The following DYNC1LI2 variants were observed in gnomAD, a reference collection of about 807,000 sequenced individuals.
DYNC1LI2 encodes cytoplasmic dynein 1 light intermediate chain 2.
A neutral mutation model predicts 57.8 loss-of-function variants in DYNC1LI2; 19 were observed. That is an observed-to-expected ratio of 0.33 (90% CI 0.23 to 0.48). The LOEUF is 0.48. Ranked by LOEUF, DYNC1LI2 falls within the 20% of genes least tolerant of loss-of-function variation. DYNC1LI2 has a pLI of 0.99. For synonymous variants in DYNC1LI2, 256 were observed against 233.4 expected (o/e 1.10, Z -0.88); for missense variants, 470 against 604.2 (o/e 0.78, Z 2.33).
At chr16:66,739,998 T>G (rs2017808063) in intron 4 of DYNC1LI2, among the ~76,000 whole-genome samples, 1 of 152,094 alleles carries the variant, frequency 6.6e-6, no homozygotes, top group Non-Finnish European at 1.5e-5. Context: ...TGCTGCTGCT[T>G]CTCTCTCAAC....
chr16:66,723,077 C>A lies in DYNC1LI2; in HGVS notation c.*645G>T. The A allele has an allele frequency of 3.0e-6, 1 of 338,192 alleles. No individual in the cohort carries two copies. Among genetic ancestry groups the A allele is most frequent in the Non-Finnish European group, 5.8e-6 (1 of 171,340 alleles). 20.9% of individuals were successfully genotyped at this position (338,192 alleles called of 1,614,324 possible). A position where few individuals can be genotyped will look rare whatever the true frequency, so the allele number is the denominator to read the frequency against. On this transcript the variant is annotated 3_prime_UTR_variant, in exon 13 of 13. Coordinates refer to ENST00000258198, the MANE Select transcript of DYNC1LI2 (RefSeq NM_006141.3). Reference sequence around the variant, plus strand: ...GCTCCGCCTGACTCAGGCACCCCCACAATTAGTACATCTTTCGTAAGTTAA... The same window carrying A: ...GCTCCGCCTGACTCAGGCACCCCCAAAATTAGTACATCTTTCGTAAGTTAA...
At position 66,749,281 on chromosome 16, in the gene DYNC1LI2, T is replaced by C; in HGVS notation, c.214A>G (p.Thr72Ala). The C allele has an allele frequency of 1.2e-6, 2 of 1,614,204 alleles. No homozygotes were observed. The highest frequency in any genetic ancestry group is 1.1e-5 in the South Asian group (1 of 91,090). Residue 72 changes from threonine to alanine, a missense_variant, in exon 3 of 13, where the codon ACT becomes GCT. Transcript: ENST00000258198. ...EDGSGKTTLMTKLQGAEHGKK... is the reference protein window; with the variant it reads ...EDGSGKTTLMAKLQGAEHGKK... ...CCATGCTCAGCTCCTTGTAGTTTAG[T>C]CATGAGGGTTGTTTTACCAGAACCA...
intron 3 of DYNC1LI2, among the ~76,000 whole-genome samples, chr16:66,743,234 C>T (rs2017872869): frequency 6.6e-6 from 1 of 151,386 alleles, no homozygotes; most frequent in Admixed American, 6.6e-5. Context: ...GGTGTTCACA[C>T]CTAAAAAGGT....
intron 7 of DYNC1LI2, 71 bp from the exon 8 acceptor site, chr16:66,730,294 A>G (rs1428786352): frequency 9.7e-6 from 13 of 1,339,310 alleles, no homozygotes; most frequent in Non-Finnish European, 1.3e-5. Flanking sequence ...GATCACATTC[A>G]GGACTCCTGG....
chr16:66,740,968 T>C (rs1249088316), intron 4 of DYNC1LI2, among the ~76,000 whole-genome samples: 2 of 152,210 alleles, frequency 1.3e-5, no homozygotes, highest in African/African-American at 4.8e-5. Flanking sequence ...ATAACAGCCA[T>C]CAATGACTAA....
At chr16:66,729,381 G>A (rs756880028) in intron 8 of DYNC1LI2, among the ~76,000 whole-genome samples, 3 of 152,048 alleles carry the variant, frequency 2.0e-5, no homozygotes, top group Non-Finnish European at 4.4e-5. Context: ...CAGAGGCAAC[G>A]GCAGCACTGG....
chr16:66,727,850 C>A, intron 10 of DYNC1LI2, 45 bp from the exon 11 acceptor site: 1 of 1,492,210 alleles, frequency 6.7e-7, no homozygotes, highest in Admixed American at 1.9e-5. Flanking sequence ...ATAACAATAA[C>A]AAAAAATACA....
chr16:66,724,109 C>G (rs1338884763), intron 12 of DYNC1LI2, among the ~76,000 whole-genome samples: 1 of 152,058 alleles, frequency 6.6e-6, no homozygotes, highest in African/African-American at 2.4e-5. Context: ...TTCTGAAAAC[C>G]CTCTCACCAC....
At chr16:66,734,333 T>A in intron 5 of DYNC1LI2, 22 bp from the exon 6 acceptor site, 2 of 1,612,240 alleles carry the variant, frequency 1.2e-6, no homozygotes, top group African/African-American at 2.7e-5. Context: ...ACAGACAGAG[T>A]CACCTTTTTG....
chr16:66,743,238 A>C (rs2017873044), intron 3 of DYNC1LI2, among the ~76,000 whole-genome samples: 1 of 152,076 alleles, frequency 6.6e-6, no homozygotes, highest in Non-Finnish European at 1.5e-5. Context: ...TTCACACCTA[A>C]AAAGGTTTCC....
In DYNC1LI2 at chr16:66,738,872, CAA is replaced by C. The variant is rs935685813; in HGVS notation, c.530-2630_530-2629del. 2.3e-5 allele frequency: 3 copies of C among 127,742 alleles called. No homozygotes were observed. In the East Asian group the frequency reaches 7.2e-4, roughly 31 times the overall value. 7.9% of individuals were successfully genotyped at this position (127,742 alleles called of 1,614,324 possible). A position where few individuals can be genotyped will look rare whatever the true frequency, so the allele number is the denominator to read the frequency against. ...GCTGGGTGACAGTGAGACTCTGTTT[CAA>C]AAAAAAACAAACACACACACACACA... is the stretch of plus-strand genomic sequence containing the variant. On this transcript the variant is annotated intron_variant, in intron 4 of 12. Transcript: ENST00000258198.
intron 4 of DYNC1LI2, among the ~76,000 whole-genome samples, chr16:66,741,454 T>C (rs920475992): frequency 6.6e-6 from 1 of 152,200 alleles, no homozygotes; most frequent in Non-Finnish European, 1.5e-5. Context: ...GTTAAACTCA[T>C]TGTTTTAGAC....
intron 3 of DYNC1LI2, among the ~76,000 whole-genome samples, chr16:66,743,291 C>T (rs1373698011): frequency 2.0e-5 from 3 of 151,480 alleles, no homozygotes; most frequent in African/African-American, 4.9e-5. Context: ...GGACCCAGTG[C>T]GGTGGCTCAC....
At chr16:66,726,054 G>A in intron 11 of DYNC1LI2, 110 bp from the exon 12 acceptor site, 8 of 1,111,454 alleles carry the variant, frequency 7.2e-6, no homozygotes, top group South Asian at 1.5e-5. Flanking sequence ...AGCTTCCTAG[G>A]ATATTGATAA....
intron 12 of DYNC1LI2, 54 bp from the exon 13 acceptor site, chr16:66,723,876 A>AT (rs946812168): frequency 2.0e-5 from 30 of 1,480,484 alleles, no homozygotes; most frequent in Non-Finnish European, 2.5e-5. Flanking sequence ...AGAGGAAACA[A>AT]TTTTTTTTAA....
rs149290495 is a variant in DYNC1LI2, at chr16:66,743,731, CCTT to C, written c.299-1066_299-1064del. 9.6e-3 allele frequency among the ~76,000 whole-genome samples: 1,459 copies of C among 152,160 alleles called. 27 individuals are homozygous for C. Among genetic ancestry groups the C allele is most frequent in the African/African-American group, 0.034 (1,391 of 41,514 alleles). On this transcript the variant is annotated intron_variant, in intron 3 of 12. Coordinates refer to ENST00000258198, the MANE Select transcript of DYNC1LI2 (RefSeq NM_006141.3). ...CTGAAGAGCCTATGTTTAAACAAGC[CCTT>C]CTTGTGTTGGTCACACTAAACAATG...
chr16:66,736,367 T>TA, intron 4 of DYNC1LI2, 123 bp from the exon 5 acceptor site: 1 of 1,171,948 alleles, frequency 8.5e-7, no homozygotes, highest in Non-Finnish European at 1.2e-6. Context: ...ACAAACTTCT[T>TA]AGTCACATCC....
intron 11 of DYNC1LI2, among the ~76,000 whole-genome samples, chr16:66,727,265 T>C (rs2017553368): frequency 6.6e-6 from 1 of 152,178 alleles, no homozygotes; most frequent in African/African-American, 2.4e-5. Context: ...CACACGCCTA[T>C]AGTCCCAGCT....
chr16:66,739,866 A>G (rs1383377405), intron 4 of DYNC1LI2, among the ~76,000 whole-genome samples: 1 of 152,258 alleles, frequency 6.6e-6, no homozygotes, highest in African/African-American at 2.4e-5. Context: ...CACATACTGC[A>G]GTGTTAACAA....
Sources: allele counts gnomAD v4.1 joint callset (sites outside exome capture counted in the v4.1 genomes callset), GRCh38; gene constraint gnomAD v4.1.1; transcripts MANE v1.5; gene names NCBI Gene and HGNC (gene_info 2026-07-23, HGNC 2026-07-21).